POU6F2: variants seen among roughly 807,000 people sequenced by gnomAD.
The protein encoded by POU6F2 is POU class 6 homeobox 2.
POU6F2 carries 31 observed loss-of-function variants against 71.3 expected under a neutral mutation model. The ratio of observed to expected loss-of-function variants is 0.43; its 90% CI spans 0.33 to 0.59. POU6F2 has a LOEUF of 0.59. Ranked by LOEUF, POU6F2 falls within the 20% of genes least tolerant of loss-of-function variation. POU6F2 has a pLI of 0.04. For synonymous variants in POU6F2, 347 were observed against 355.7 expected (o/e 0.98, Z 0.27); for missense variants, 783 against 856.8 (o/e 0.91, Z 1.07).
intron 7 of POU6F2, among the ~76,000 whole-genome samples, chr7:39,448,635 C>G (rs1321402845): frequency 6.6e-6 from 1 of 152,134 alleles, no homozygotes; most frequent in African/African-American, 2.4e-5. Flanking sequence ...TCTAGTGACT[C>G]TTAATTTAAG....
chr7:39,129,626 TAG>T lies in POU6F2; in HGVS notation c.277+43597_277+43598del, dbSNP rs574516477. Among the ~76,000 whole-genome samples, 183 of 42,796 alleles carry T rather than the reference TAG, an allele frequency of 4.3e-3. 1 individual carries two copies. Among genetic ancestry groups the T allele is most frequent in the Middle Eastern group, 0.011 (1 of 94 alleles). 28.1% of individuals were successfully genotyped at this position (42,796 alleles called of 152,430 possible). ...AGGTGGCTGAGAGACAATAGATATA[TAG>T]ATAGATAGATAGATAGATAGATAGA... On this transcript the variant is annotated intron_variant, in intron 2 of 9. Coordinates refer to ENST00000518318, the MANE Select transcript of POU6F2 (RefSeq NM_001370959.1).
At chr7:39,036,190 C>T (rs1790060030) in intron 1 of POU6F2, among the ~76,000 whole-genome samples, 1 of 152,092 alleles carries the variant, frequency 6.6e-6, no homozygotes, top group African/African-American at 2.4e-5. Context: ...GTTCACATTA[C>T]CATCCTTATC....
intron 1 of POU6F2, among the ~76,000 whole-genome samples, chr7:39,057,030 T>C (rs996469564): frequency 1.3e-5 from 2 of 152,166 alleles, no homozygotes; most frequent in Non-Finnish European, 2.9e-5. Context: ...ATTGTTGGTT[T>C]TGACTTGAGA....
chr7:39,100,415 C>T (rs1048055803), intron 2 of POU6F2, among the ~76,000 whole-genome samples: 5 of 152,212 alleles, frequency 3.3e-5, no homozygotes, highest in African/African-American at 1.2e-4. Context: ...CTCTTATATA[C>T]ACCAAAGTCA....
At chr7:39,039,563 T>C (rs950375159) in intron 1 of POU6F2, among the ~76,000 whole-genome samples, 5 of 151,970 alleles carry the variant, frequency 3.3e-5, no homozygotes, top group African/African-American at 1.2e-4. Context: ...TAAATAATGA[T>C]GCCAAGTAAT....
chr7:39,308,648 C>A (rs1163594116), intron 4 of POU6F2, among the ~76,000 whole-genome samples: 2 of 152,096 alleles, frequency 1.3e-5, no homozygotes, highest in African/African-American at 4.8e-5. Context: ...TTCTTCCTGT[C>A]CCCTCTCTCA....
intron 2 of POU6F2, among the ~76,000 whole-genome samples, chr7:39,162,470 C>G (rs371003987): frequency 2.0e-5 from 3 of 152,142 alleles, no homozygotes; most frequent in African/African-American, 7.2e-5. Flanking sequence ...CGGAATAGGT[C>G]TTAACTTAAA....
In POU6F2 at chr7:39,075,249, C is replaced by T. The variant is rs561585075; in HGVS notation, c.106-10611C>T. 2.6e-5 allele frequency among the ~76,000 whole-genome samples: 4 copies of T among 152,174 alleles called. No individual in the cohort carries two copies. In the East Asian group the frequency reaches 5.8e-4, roughly 22 times the overall value. On this transcript the variant is annotated intron_variant, in intron 1 of 9. Coordinates refer to ENST00000518318, the MANE Select transcript of POU6F2 (RefSeq NM_001370959.1). ...ACACATTCCCTGGTGTTGAAGTGCC[C>T]GGTCCAATGTCACAGCCCAAGAAAG...
chr7:39,401,040 A>G (rs544372925), intron 5 of POU6F2, among the ~76,000 whole-genome samples: 2 of 152,336 alleles, frequency 1.3e-5, no homozygotes, highest in African/African-American at 4.8e-5. Flanking sequence ...CCACCCAGGA[A>G]GAGGAGGGGC....
At chr7:39,425,152 C>T (rs936892641) in intron 6 of POU6F2, among the ~76,000 whole-genome samples, 1 of 151,984 alleles carries the variant, frequency 6.6e-6, no homozygotes, top group African/African-American at 2.4e-5. Context: ...ATTATTCATC[C>T]TGTCTTAACA....
At chr7:39,211,763 C>CTG (rs1794147024) in intron 4 of POU6F2, among the ~76,000 whole-genome samples, 1 of 152,188 alleles carries the variant, frequency 6.6e-6, no homozygotes. Context: ...AGGCTGCAGG[C>CTG]TGTATCATCC....
chr7:39,114,922 G>A (rs1791899715), intron 2 of POU6F2, among the ~76,000 whole-genome samples: 1 of 152,112 alleles, frequency 6.6e-6, no homozygotes, highest in African/African-American at 2.4e-5. Context: ...GTGTGTGTTT[G>A]CATTATATAG....
intron 2 of POU6F2, among the ~76,000 whole-genome samples, chr7:39,111,440 T>C (rs1472219410): frequency 1.3e-5 from 2 of 152,176 alleles, no homozygotes; most frequent in Non-Finnish European, 2.9e-5. Flanking sequence ...AAGAAAAATA[T>C]GACCTTTTAG....
intron 1 of POU6F2, among the ~76,000 whole-genome samples, chr7:39,074,238 C>G (rs1790947700): frequency 6.6e-6 from 1 of 152,104 alleles, no homozygotes; most frequent in South Asian, 2.1e-4. Context: ...AATCCCAGCA[C>G]TTTGCGAGGC....
intron 1 of POU6F2, among the ~76,000 whole-genome samples, chr7:38,992,285 C>G (rs1788625387): frequency 6.6e-6 from 1 of 152,150 alleles, no homozygotes; most frequent in African/African-American, 2.4e-5. Flanking sequence ...GCGCTCTGCT[C>G]CTAGCTTCAT....
intron 7 of POU6F2, among the ~76,000 whole-genome samples, chr7:39,434,031 A>G (rs1323930144): frequency 6.6e-6 from 1 of 152,232 alleles, no homozygotes; most frequent in Admixed American, 6.5e-5. Flanking sequence ...GTTGTGCAGT[A>G]GAGCAGAGAC....
chr7:39,342,258 A>G (rs1785934270), intron 5 of POU6F2, among the ~76,000 whole-genome samples: 1 of 152,190 alleles, frequency 6.6e-6, no homozygotes, highest in South Asian at 2.1e-4. Context: ...TAAAGGAAAT[A>G]GAGAATATTT....
At chr7:39,424,537 A>T (rs1320922621) in intron 6 of POU6F2, among the ~76,000 whole-genome samples, 1 of 152,166 alleles carries the variant, frequency 6.6e-6, no homozygotes, top group Non-Finnish European at 1.5e-5. Context: ...TACATTTCCT[A>T]GACACCGATT....
chr7:39,093,000 A>G (rs11973691), intron 2 of POU6F2, among the ~76,000 whole-genome samples: 1,755 of 152,284 alleles, frequency 0.012, 43 homozygotes, highest in African/African-American at 0.04. Context: ...CACTTTAAAA[A>G]ATTTCCTAGT....
Sources: gnomAD v4.1 joint callset for allele counts (sites outside exome capture counted in the v4.1 genomes callset) on GRCh38, gnomAD v4.1.1 for gene constraint, MANE v1.5 for transcripts, NCBI Gene and HGNC (gene_info 2026-07-23, HGNC 2026-07-21) for gene names.